The following EVC2 variants were observed in gnomAD, a reference collection of about 807,000 sequenced individuals.
EVC2 encodes the protein limbin.
In EVC2, 148 loss-of-function variants were observed where a neutral mutation model predicts 149.3. The observed-to-expected ratio is 0.99, with a 90% CI of 0.87 to 1.14. The LOEUF (loss-of-function observed/expected upper bound fraction) is 1.14. EVC2 is among the 50% of genes most tolerant of loss of function. The probability of loss-of-function intolerance (pLI) is 0.00; values close to 1 mark genes in which losing one functional copy is unlikely to be tolerated. For synonymous variants in EVC2, 776 were observed against 649.9 expected, an observed-to-expected ratio of 1.19 and a Z score of -2.95; for missense variants, 1,854 against 1,627.3, an observed-to-expected ratio of 1.14 and a Z score of -2.40.
rs759358405 is a variant in EVC2, at chr4:5,618,571, G to A, written c.2613C>T (p.Ile871=). ...ATTGCTGCAGCAGAACTCGGGCCCGGATCTTGGGGAGGGCCAAGCTCCTGT... is the reference window on the plus strand; with the variant it reads ...ATTGCTGCAGCAGAACTCGGGCCCGAATCTTGGGGAGGGCCAAGCTCCTGT... The part of the protein sequence containing the change: ...QMDRSLALPK[I]RARVLLQQFQ... Residue 871 remains isoleucine (I), a synonymous_variant, in exon 15 of 22, where the codon ATC becomes ATT. Transcript: ENST00000344408. The surrounding 1 kb of genome is among the most constrained non-coding windows in gnomAD (Gnocchi z 4.4). 13 of 1,614,026 alleles carry A rather than the reference G, an allele frequency of 8.1e-6. No individual in the cohort carries two copies. In the African/African-American group the frequency reaches 1.3e-4, roughly 17 times the overall value.
At chr4:5,549,307 T>C (rs926716094) in intron 21 of EVC2, among the ~76,000 whole-genome samples, 2 of 152,238 alleles carry the variant, frequency 1.3e-5, no homozygotes, top group Non-Finnish European at 2.9e-5. Flanking sequence ...AATTGTAAGA[T>C]GAGGATTGTT....
Position 5,687,381 on chromosome 4 carries a change from C to T in EVC2, c.706+1776G>A, listed in dbSNP as rs372724997. ...TGCTTTAACTCCCTTACCCTCACAGCGCCTTCCTAGGTGGGTGTTACTAGC... is the reference window on the plus strand; with the variant it reads ...TGCTTTAACTCCCTTACCCTCACAGTGCCTTCCTAGGTGGGTGTTACTAGC... On this transcript the variant is annotated intron_variant, in intron 5 of 21. Transcript: ENST00000344408. Among the ~76,000 whole-genome samples, 16 of 152,290 alleles carry T rather than the reference C, an allele frequency of 1.1e-4. No individual in the cohort carries two copies. The South Asian group carries it at 2.5e-3, about 24-fold the overall frequency.
At chr4:5,656,923 C>T (rs6847154) in intron 9 of EVC2, among the ~76,000 whole-genome samples, 29,002 of 152,122 alleles carry the variant, frequency 0.19, 3,027 homozygotes, top group African/African-American at 0.28. Flanking sequence ...GCTCTGGTTC[C>T]GGTACCAGGA....
At chr4:5,660,515 G>A (rs952775595) in intron 9 of EVC2, among the ~76,000 whole-genome samples, 2 of 152,154 alleles carry the variant, frequency 1.3e-5, no homozygotes, top group Non-Finnish European at 2.9e-5. Flanking sequence ...CTGGACCCAG[G>A]GAGATAGGAT....
intron 1 of EVC2, among the ~76,000 whole-genome samples, chr4:5,703,418 T>G (rs1310335471): frequency 6.6e-6 from 1 of 152,194 alleles, no homozygotes; most frequent in East Asian, 1.9e-4. Context: ...CGTTGAGTGC[T>G]ACATCCCCAG....
chr4:5,543,213 C>A (rs752831585), intron 21 of EVC2: 94 of 1,289,668 alleles, frequency 7.3e-5, no homozygotes, highest in Non-Finnish European at 9.2e-5. Context: ...GTTCCCTGAC[C>A]TGGAACAGGA....
rs528130964 is a variant in EVC2 at position 5,672,521 on chromosome 4, G to A, written c.871-6872C>T. On this transcript the variant is annotated intron_variant, in intron 7 of 21. Coordinates refer to ENST00000344408, the MANE Select transcript of EVC2 (RefSeq NM_147127.5). ...GAGGCTGCAGGAGGCAACGGGACAC[G>A]CCAGCAAGGACCGTGGACTTTGGCT... Among the ~76,000 whole-genome samples, 19 of 152,274 alleles carry A rather than the reference G, an allele frequency of 1.2e-4. No homozygotes were observed. In the East Asian group the frequency reaches 3.3e-3, roughly 26 times the overall value.
chr4:5,680,614 G>A (rs968186054), intron 7 of EVC2, among the ~76,000 whole-genome samples: 1 of 152,194 alleles, frequency 6.6e-6, no homozygotes, highest in African/African-American at 2.4e-5. Context: ...GGGATACTGG[G>A]CAAATCACTT....
intron 7 of EVC2, among the ~76,000 whole-genome samples, chr4:5,680,776 T>C (rs1423319720): frequency 6.6e-6 from 1 of 152,244 alleles, no homozygotes; most frequent in African/African-American, 2.4e-5. Context: ...GAAGTGTTGT[T>C]ACCTGGTGAA....
At position 5,574,779 on chromosome 4, in the gene EVC2, T is replaced by A. The variant is rs1382818953; in HGVS notation, c.3273-7A>T. 1 of 1,613,788 alleles carries A rather than the reference T, an allele frequency of 6.2e-7. No individual in the cohort carries two copies. Among genetic ancestry groups the A allele is most frequent in the Non-Finnish European group, 8.5e-7 (1 of 1,179,878 alleles). On this transcript the variant is annotated splice_region_variant and splice_polypyrimidine_tract_variant and intron_variant, in intron 18 of 21. Transcript: ENST00000344408. ...CTGTTGTTCCTCTCTCAAACTGGAG[T>A]GAAAATAAAATATACGTAAGTTCAG...
chr4:5,609,777 G>T (rs181729584), intron 16 of EVC2, among the ~76,000 whole-genome samples: 34 of 152,326 alleles, frequency 2.2e-4, no homozygotes, highest in Admixed American at 9.1e-4. Flanking sequence ...TCTGATCAGG[G>T]CATGTGGTCA....
chr4:5,695,685 C>T (rs1721432127), intron 2 of EVC2, among the ~76,000 whole-genome samples: 1 of 152,192 alleles, frequency 6.6e-6, no homozygotes, highest in African/African-American at 2.4e-5. Context: ...TTCAAGTCAG[C>T]AATTTTAGTT....
At chr4:5,644,600 G>A (rs1717578468) in intron 9 of EVC2, among the ~76,000 whole-genome samples, 1 of 152,156 alleles carries the variant, frequency 6.6e-6, no homozygotes, top group Non-Finnish European at 1.5e-5. Context: ...ACCGTGTCTG[G>A]CCACCATCTT....
At chr4:5,589,238 C>T (rs1013833350) in intron 16 of EVC2, among the ~76,000 whole-genome samples, 2 of 152,212 alleles carry the variant, frequency 1.3e-5, no homozygotes, top group South Asian at 2.1e-4. Context: ...CTCATTATTT[C>T]CATTGCCGAG....
intron 16 of EVC2, among the ~76,000 whole-genome samples, chr4:5,612,942 A>G (rs1174778786): frequency 6.6e-6 from 1 of 150,862 alleles, no homozygotes; most frequent in Admixed American, 6.6e-5. Flanking sequence ...AAAAAAAAAA[A>G]AAAAAAAGAA....
At chr4:5,531,591 C>T in the EVC2 span, among the ~76,000 whole-genome samples, 10 of 152,126 alleles carry the variant, frequency 6.6e-5, no homozygotes, top group South Asian at 2.1e-4. Flanking sequence ...ATTAGATTAT[C>T]TTAGGAGCAC....
intron 7 of EVC2, among the ~76,000 whole-genome samples, chr4:5,666,575 A>G (rs1165458759): frequency 6.6e-6 from 1 of 152,092 alleles, no homozygotes; most frequent in Non-Finnish European, 1.5e-5. Context: ...TAATAATACT[A>G]TCTGTTACAG....
At chr4:5,594,501 C>T in intron 16 of EVC2, among the ~76,000 whole-genome samples, 1 of 152,192 alleles carries the variant, frequency 6.6e-6, no homozygotes. Flanking sequence ...AACAGACCTG[C>T]AGCTGAGGGT....
chr4:5,598,604 A>G (rs1254106252), intron 16 of EVC2, among the ~76,000 whole-genome samples: 14 of 152,200 alleles, frequency 9.2e-5, no homozygotes, highest in Non-Finnish European at 1.6e-4. Flanking sequence ...TAGACCTAAA[A>G]TCATAAAAAC....
Sources: allele counts gnomAD v4.1 joint callset (sites outside exome capture counted in the v4.1 genomes callset), GRCh38; gene constraint gnomAD v4.1.1; non-coding constraint Gnocchi (gnomAD v3.1); transcripts MANE v1.5; gene names NCBI Gene and HGNC (gene_info 2026-07-23, HGNC 2026-07-21).